The following TRPC5 variants were observed in gnomAD, a reference collection of about 807,000 sequenced individuals.
TRPC5 encodes the protein short transient receptor potential channel 5.
A neutral mutation model predicts 56.5 loss-of-function variants in TRPC5; 9 were observed. The observed-to-expected ratio is 0.16, with a 90% CI of 0.10 to 0.28. The LOEUF (loss-of-function observed/expected upper bound fraction) is 0.28, where lower values mean the gene tolerates loss of function less well. TRPC5 is among the 10% of genes least tolerant of loss of function. The pLI, the probability that TRPC5 is intolerant of heterozygous loss-of-function variation, is 1.00. For missense variants in TRPC5, 469 were observed against 748.9 expected (o/e 0.63, Z 4.36); for synonymous variants, 282 against 278.5 (o/e 1.01, Z -0.13).
chrX:111,925,804 T>G (rs1348687568), intron 2 of TRPC5, among the ~76,000 whole-genome samples: 3 of 111,866 alleles, frequency 2.7e-5, no homozygotes, highest in African/African-American at 9.7e-5. Context: ...TAGAGACCCC[T>G]TACCTTTGGA....
At chrX:112,070,732 C>T (rs1374424055) in intron 1 of TRPC5, among the ~76,000 whole-genome samples, 3 of 107,859 alleles carry the variant, frequency 2.8e-5, no homozygotes, top group Non-Finnish European at 5.7e-5. Context: ...CAAGTCTCTC[C>T]ACTAAAACTG....
intron 1 of TRPC5, among the ~76,000 whole-genome samples, chrX:112,056,208 T>G (rs762067761): frequency 8.9e-6 from 1 of 111,782 alleles, no homozygotes; most frequent in Non-Finnish European, 1.9e-5. Flanking sequence ...CCTCCATCAG[T>G]GGACACTCTC....
At chrX:112,067,783 C>T (rs1479093674) in intron 1 of TRPC5, among the ~76,000 whole-genome samples, 1 of 112,072 alleles carries the variant, frequency 8.9e-6, no homozygotes, top group East Asian at 2.8e-4. Flanking sequence ...GCATTAAATG[C>T]TCCACTTAAC....
In TRPC5 at chrX:111,776,507, G is replaced by C. The variant is rs757362797; in HGVS notation, c.2728C>G (p.Gln910Glu). The part of the protein sequence containing the change: ...NLSEVELGEV[Q>E]GAAQSSECPL... ...CATTCACTGCTCTGAGCAGCGCCCTGGACTTCACCTAATTCTACCTCACTG... is the reference window on the plus strand; with the variant it reads ...CATTCACTGCTCTGAGCAGCGCCCTCGACTTCACCTAATTCTACCTCACTG... The change falls in exon 11 of 11, where the codon CAG becomes GAG. Residue 910 changes from glutamine (Q) to glutamate (E), a missense_variant. Gln to Glu is a conservative substitution (Grantham distance 29, BLOSUM62 2). Transcript: ENST00000262839. The C allele has an allele frequency of 4.1e-6, 5 of 1,210,847 alleles. No homozygotes were observed. In the East Asian group the frequency reaches 1.5e-4, roughly 36 times the overall value.
intron 7 of TRPC5, among the ~76,000 whole-genome samples, chrX:111,791,357 A>G (rs1311092733): frequency 9.0e-6 from 1 of 111,706 alleles, no homozygotes; most frequent in African/African-American, 3.3e-5. Context: ...GAGGCTATCC[A>G]TGGGCCCAAG....
chrX:111,889,885 T>C (rs977414155), intron 3 of TRPC5, among the ~76,000 whole-genome samples: 4 of 111,565 alleles, frequency 3.6e-5, no homozygotes, highest in South Asian at 7.6e-4. Context: ...TCAGCTAGGC[T>C]TTTTGTATCT....
chrX:111,889,969 T>C (rs1366913759), intron 3 of TRPC5, among the ~76,000 whole-genome samples: 4 of 111,230 alleles, frequency 3.6e-5, no homozygotes. Flanking sequence ...AATAATGAAA[T>C]GGTTGTCCTC....
At chrX:111,835,710 G>A (rs1922547306) in intron 6 of TRPC5, among the ~76,000 whole-genome samples, 1 of 111,701 alleles carries the variant, frequency 9.0e-6, no homozygotes, top group Non-Finnish European at 1.9e-5. Flanking sequence ...ATGGTGCTTG[G>A]GTTAGATTGC....
At chrX:112,034,071 G>A (rs1029358438) in intron 1 of TRPC5, among the ~76,000 whole-genome samples, 1 of 111,853 alleles carries the variant, frequency 8.9e-6, no homozygotes, top group Non-Finnish European at 1.9e-5. Context: ...GTGAGCACAC[G>A]AAACTTATTC....
chrX:112,078,877 G>C (rs1930898289), intron 1 of TRPC5, among the ~76,000 whole-genome samples: 1 of 111,818 alleles, frequency 8.9e-6, no homozygotes, highest in African/African-American at 3.3e-5. Context: ...ATCAACAGAA[G>C]AAAAGCTTCG....
intron 1 of TRPC5, among the ~76,000 whole-genome samples, chrX:112,023,246 GTTTTTTTTTT>G (rs1163231468): frequency 0.036 from 2,039 of 56,709 alleles, 80 homozygotes; most frequent in African/African-American, 0.13. Context: ...TTTTTTTTTT[GTTTTTTTTTT>G]TTTTTTTTTT....
At position 111,929,943 on chromosome X, in the gene TRPC5, A is replaced by G. The variant is rs1926363179; in HGVS notation, c.379-17131T>C. ...ATCACAGAGTTAGAAGAGACCTTGG[A>G]GATGACATAGTCCAGCCTCCTAACA... On this transcript the variant is annotated intron_variant, in intron 2 of 10. Coordinates refer to ENST00000262839, the MANE Select transcript of TRPC5 (RefSeq NM_012471.3). Among the ~76,000 whole-genome samples, 2 of 111,833 alleles carry G rather than the reference A, an allele frequency of 1.8e-5. 1 individual carries two copies. Among genetic ancestry groups the G allele is most frequent in the Admixed American group, 1.9e-4 (2 of 10,504 alleles).
chrX:111,951,441 G>A (rs911270560), intron 2 of TRPC5, among the ~76,000 whole-genome samples: 1 of 111,990 alleles, frequency 8.9e-6, no homozygotes, highest in Non-Finnish European at 1.9e-5. Context: ...TGGGGGCAAG[G>A]GAGCCAGACA....
At chrX:112,015,231 G>A (rs1437923405) in intron 1 of TRPC5, among the ~76,000 whole-genome samples, 1 of 110,897 alleles carries the variant, frequency 9.0e-6, no homozygotes, top group African/African-American at 3.3e-5. Context: ...AGGAGAGACA[G>A]GGGTCTTCTT....
At chrX:112,001,215 C>CAGTA (rs1185014613) in intron 1 of TRPC5, among the ~76,000 whole-genome samples, 2 of 111,604 alleles carry the variant, frequency 1.8e-5, no homozygotes, top group Non-Finnish European at 1.9e-5. Flanking sequence ...GGTAAAGAGG[C>CAGTA]AGTAGAATGA....
At chrX:111,944,769 T>TG (rs1487440289) in intron 2 of TRPC5, among the ~76,000 whole-genome samples, 1 of 111,362 alleles carries the variant, frequency 9.0e-6, no homozygotes, top group Admixed American at 9.5e-5. Flanking sequence ...ATTGTAGTGA[T>TG]GCGGCTATAA....
intron 1 of TRPC5, among the ~76,000 whole-genome samples, chrX:111,996,938 T>A (rs1169582838): frequency 9.0e-6 from 1 of 111,680 alleles, no homozygotes; most frequent in African/African-American, 3.3e-5. Flanking sequence ...CACTGATGGG[T>A]CTTGGCTCTA....
chrX:111,997,535 G>A (rs750563806), intron 1 of TRPC5, among the ~76,000 whole-genome samples: 5 of 110,810 alleles, frequency 4.5e-5, no homozygotes, highest in Non-Finnish European at 9.4e-5. Context: ...AATGTTGGCC[G>A]GCCTTGCTAG....
chrX:111,969,033 AAAAATAAAT>A (rs1449907520), intron 1 of TRPC5, among the ~76,000 whole-genome samples: 90 of 108,881 alleles, frequency 8.3e-4, no homozygotes, highest in African/African-American at 2.7e-3. Context: ...AAACAACAAA[AAAAATAAAT>A]AAATAACAAA....
Sources: gnomAD v4.1 joint callset for allele counts (sites outside exome capture counted in the v4.1 genomes callset) on GRCh38, gnomAD v4.1.1 for gene constraint, MANE v1.5 for transcripts, NCBI Gene and HGNC (gene_info 2026-07-23, HGNC 2026-07-21) for gene names.